PITPNC1: variants seen among roughly 807,000 people sequenced by gnomAD.
PITPNC1 encodes cytoplasmic phosphatidylinositol transfer protein 1.
PITPNC1 carries 18 observed loss-of-function variants against 44.7 expected under a neutral mutation model. The observed-to-expected ratio is 0.40, with a 90% CI of 0.28 to 0.60. The LOEUF is 0.60. Ranked by LOEUF, PITPNC1 falls within the 20% of genes least tolerant of loss-of-function variation. The pLI, the probability that PITPNC1 is intolerant of heterozygous loss-of-function variation, is 0.39. For missense variants in PITPNC1, 290 were observed against 418.4 expected (o/e 0.69, Z 2.68); for synonymous variants, 141 against 149.6 (o/e 0.94, Z 0.42).
At chr17:67,562,897 T>A (rs1210507971) in intron 4 of PITPNC1, among the ~76,000 whole-genome samples, 1 of 152,184 alleles carries the variant, frequency 6.6e-6, no homozygotes, top group Admixed American at 6.5e-5. Context: ...TTTTAATGAA[T>A]AAAGGAAGCT....
At chr17:67,491,637 A>G (rs1452681058) in intron 1 of PITPNC1, among the ~76,000 whole-genome samples, 1 of 152,148 alleles carries the variant, frequency 6.6e-6, no homozygotes, top group Non-Finnish European at 1.5e-5. Context: ...CCAGGAGTCT[A>G]AGACCAGCTC....
In PITPNC1 at chr17:67,550,629, A is replaced by C. The variant is rs768122286; in HGVS notation, c.198-1628A>C. Among the ~76,000 whole-genome samples, 32 of 151,996 alleles carry C rather than the reference A, an allele frequency of 2.1e-4. 1 individual carries two copies. The highest frequency in any genetic ancestry group is 2.9e-5 in the Non-Finnish European group (2 of 67,994). ...TCCAACATGTAGCTAAGTTGCTGAG[A>C]GTATACGTCGTCTTCCTGGATCCGA... On this transcript the variant is annotated intron_variant, in intron 2 of 8. Transcript: ENST00000581322.
intron 1 of PITPNC1, among the ~76,000 whole-genome samples, chr17:67,477,352 T>A (rs1006334245): frequency 1.3e-5 from 2 of 151,246 alleles, no homozygotes; most frequent in Admixed American, 6.6e-5. Context: ...GTTCAAGCGA[T>A]TCTCCTGCCT....
chr17:67,474,552 G>A (rs1334707432), intron 1 of PITPNC1, among the ~76,000 whole-genome samples: 1 of 152,158 alleles, frequency 6.6e-6, no homozygotes, highest in Non-Finnish European at 1.5e-5. Context: ...CCACCAAAAT[G>A]TCTCCAGGCA....
At position 67,693,543 on chromosome 17, in the gene PITPNC1, T is replaced by G. The variant is rs2042964361; in HGVS notation, c.*655T>G. The G allele has an allele frequency of 6.6e-6, 1 of 152,628 alleles. No individual in the cohort carries two copies. Among genetic ancestry groups the G allele is most frequent in the African/African-American group, 2.4e-5 (1 of 41,450 alleles). The allele number at this position is 152,628 out of a possible 1,614,324, so 9.5% of individuals were successfully genotyped here. ...TTTCTGTCTTTTAATAACTTTCCCC[T>G]TTTGTGCCCTTGTGGCCTCAGAAAT... On this transcript the variant is annotated 3_prime_UTR_variant, in exon 9 of 9. Coordinates refer to ENST00000581322, the MANE Select transcript of PITPNC1 (RefSeq NM_012417.4).
At chr17:67,572,477 G>T (rs566617746) in intron 4 of PITPNC1, among the ~76,000 whole-genome samples, 5 of 116,122 alleles carry the variant, frequency 4.3e-5, no homozygotes, top group South Asian at 3.7e-4. Context: ...GCGGGGGGGG[G>T]GGGTAAAGAA....
chr17:67,483,876 T>C (rs1039120858), intron 1 of PITPNC1, among the ~76,000 whole-genome samples: 3 of 152,056 alleles, frequency 2.0e-5, no homozygotes, highest in African/African-American at 4.8e-5. Context: ...TTGGTTGTCA[T>C]GCAATAACCA....
intron 2 of PITPNC1, among the ~76,000 whole-genome samples, chr17:67,537,046 T>C (rs2144135980): frequency 6.6e-6 from 1 of 152,290 alleles, no homozygotes; most frequent in South Asian, 2.1e-4. Flanking sequence ...AAATACTATA[T>C]AAAACATTAG....
chr17:67,428,572 G>A (rs894818151), intron 1 of PITPNC1, among the ~76,000 whole-genome samples: 4 of 150,836 alleles, frequency 2.7e-5, no homozygotes, highest in African/African-American at 9.7e-5. Flanking sequence ...AAAACATACT[G>A]CGCCTAGCAA....
chr17:67,494,356 C>A (rs1038436530), intron 1 of PITPNC1, among the ~76,000 whole-genome samples: 11 of 151,764 alleles, frequency 7.2e-5, no homozygotes, highest in African/African-American at 1.7e-4. Flanking sequence ...CCTGCTACCA[C>A]GTCTGGCTAA....
At chr17:67,593,592 T>A (rs2041421575) in intron 5 of PITPNC1, among the ~76,000 whole-genome samples, 1 of 152,116 alleles carries the variant, frequency 6.6e-6, no homozygotes, top group Admixed American at 6.6e-5. Context: ...AGAGACGAGG[T>A]TTCACCGTGT....
chr17:67,390,360 TAGG>T (rs999028820), intron 1 of PITPNC1, among the ~76,000 whole-genome samples: 1 of 152,122 alleles, frequency 6.6e-6, no homozygotes, highest in Non-Finnish European at 1.5e-5. Flanking sequence ...TCAGGATCCT[TAGG>T]AGTCCCCACA....
chr17:67,575,795 CTTCTTTCTTTCTTTCTTTCT>C (rs1191296746), intron 4 of PITPNC1, among the ~76,000 whole-genome samples: 1 of 131,024 alleles, frequency 7.6e-6, no homozygotes, highest in East Asian at 2.1e-4. Flanking sequence ...TCTTTCTTTC[CTTCTTTCTTTCTTTCTTTCT>C]TTCTTTCCTT....
intron 5 of PITPNC1, among the ~76,000 whole-genome samples, chr17:67,611,085 C>T (rs2041681893): frequency 6.6e-6 from 1 of 152,152 alleles, no homozygotes; most frequent in South Asian, 2.1e-4. Context: ...GGTGTTCAGT[C>T]TAACAGTTCA....
intron 5 of PITPNC1, among the ~76,000 whole-genome samples, chr17:67,616,566 C>T (rs1448676530): frequency 6.6e-6 from 1 of 152,160 alleles, no homozygotes; most frequent in African/African-American, 2.4e-5. Flanking sequence ...TTCTTCCTCA[C>T]CCTTTATTTC....
At chr17:67,666,722 G>A (rs2042428255) in intron 6 of PITPNC1, among the ~76,000 whole-genome samples, 1 of 152,192 alleles carries the variant, frequency 6.6e-6, no homozygotes, top group African/African-American at 2.4e-5. Flanking sequence ...CAGCTGGCAT[G>A]GAAGTTGGCC....
intron 1 of PITPNC1, among the ~76,000 whole-genome samples, chr17:67,531,206 G>C (rs976890266): frequency 2.0e-5 from 3 of 152,184 alleles, no homozygotes; most frequent in Non-Finnish European, 2.9e-5. Context: ...TCACACCACT[G>C]TAGTCCCGCC....
chr17:67,583,983 C>A (rs184945444), intron 5 of PITPNC1, among the ~76,000 whole-genome samples: 2,502 of 151,804 alleles, frequency 0.016, 34 homozygotes, highest in South Asian at 0.046. Flanking sequence ...TCATGATCCG[C>A]CCGCCTCGGC....
At chr17:67,481,799 A>G (rs2039707255) in intron 1 of PITPNC1, among the ~76,000 whole-genome samples, 1 of 151,192 alleles carries the variant, frequency 6.6e-6, no homozygotes, top group Non-Finnish European at 1.5e-5. Flanking sequence ...AAGGAAAGGT[A>G]TAAAATGTGG....
Sources: allele counts gnomAD v4.1 joint callset (sites outside exome capture counted in the v4.1 genomes callset), GRCh38; gene constraint gnomAD v4.1.1; transcripts MANE v1.5; gene names NCBI Gene and HGNC (gene_info 2026-07-23, HGNC 2026-07-21).